The following BEND6 variants were observed in gnomAD, a reference collection of about 807,000 sequenced individuals.
BEND6 encodes BEN domain containing 6, also known as BEN domain-containing protein 6.
A neutral mutation model predicts 31.8 loss-of-function variants in BEND6; 24 were observed. The ratio of observed to expected loss-of-function variants is 0.75; its 90% CI spans 0.55 to 1.06. The LOEUF (loss-of-function observed/expected upper bound fraction) is 1.06. Ranked by LOEUF, BEND6 falls within the 50% of genes least tolerant of loss-of-function variation. The probability of loss-of-function intolerance (pLI) is 0.00; values close to 1 mark genes in which losing one functional copy is unlikely to be tolerated. For synonymous variants in BEND6, 109 were observed against 114.6 expected (o/e 0.95, Z 0.31); for missense variants, 294 against 327.4 (o/e 0.90, Z 0.79).
At chr6:56,966,259 G>T (rs753324637) in intron 1 of BEND6, among the ~76,000 whole-genome samples, 9 of 152,096 alleles carry the variant, frequency 5.9e-5, no homozygotes, top group South Asian at 2.1e-4. Context: ...TTGCCACCAC[G>T]CCTGGCTAGT....
intron 3 of BEND6, among the ~76,000 whole-genome samples, chr6:57,012,944 G>A (rs1827395646): frequency 6.6e-6 from 1 of 152,002 alleles, no homozygotes; most frequent in Admixed American, 6.6e-5. Context: ...CATTCTCTAC[G>A]GCAATTTAAT....
intron 2 of BEND6, among the ~76,000 whole-genome samples, chr6:56,990,841 CA>C (rs1178693339): frequency 2.0e-5 from 3 of 152,104 alleles, no homozygotes; most frequent in Non-Finnish European, 4.4e-5. Context: ...AGGAGTCAGA[CA>C]ATCTTGAGAT....
rs555221533 is a variant in BEND6 at position 57,010,001 on chromosome 6, T to A, written c.299-5132T>A. On this transcript the variant is annotated intron_variant, in intron 3 of 6. Transcript: ENST00000370746. ...TCCAGCTAATAAATGAAGAAAATAATTAGAATATCACTATTTTGCAAGCCA... is the reference window on the plus strand; with the variant it reads ...TCCAGCTAATAAATGAAGAAAATAAATAGAATATCACTATTTTGCAAGCCA... 21 of 152,250 alleles carry A rather than the reference T, an allele frequency of 1.4e-4. No homozygotes were observed. The South Asian group carries it at 4.4e-3, about 32-fold the overall frequency. The allele number at this position is 152,250 out of a possible 1,614,324, so 9.4% of individuals were successfully genotyped here. A position where few individuals can be genotyped will look rare whatever the true frequency, so the allele number is the denominator to read the frequency against.
intron 1 of BEND6, among the ~76,000 whole-genome samples, chr6:56,972,086 C>CTT (rs35524907): frequency 2.6e-4 from 16 of 62,526 alleles, no homozygotes; most frequent in Non-Finnish European, 4.0e-4. Flanking sequence ...ACTTTACTTT[C>CTT]TTTTTTTTTT....
At chr6:56,961,532 T>C (rs9382671) in intron 1 of BEND6, among the ~76,000 whole-genome samples, 3 of 152,004 alleles carry the variant, frequency 2.0e-5, no homozygotes, top group African/African-American at 7.2e-5. Context: ...AAAGAAGGGA[T>C]AAATTGATTC....
At chr6:56,989,952 C>T (rs1826430325) in intron 2 of BEND6, among the ~76,000 whole-genome samples, 2 of 152,096 alleles carry the variant, frequency 1.3e-5, no homozygotes, top group Admixed American at 1.3e-4. Context: ...TGATTTTATG[C>T]CTAAGAAATT....
chr6:57,007,810 G>C (rs1007607638), intron 3 of BEND6, among the ~76,000 whole-genome samples: 5 of 152,080 alleles, frequency 3.3e-5, no homozygotes, highest in Non-Finnish European at 5.9e-5. Flanking sequence ...TTTACAGTGT[G>C]CTGTGATCAT....
chr6:56,960,704 A>G (rs1292591595), intron 1 of BEND6, among the ~76,000 whole-genome samples: 1 of 152,244 alleles, frequency 6.6e-6, no homozygotes, highest in Admixed American at 6.5e-5. Context: ...CAGAAGTACT[A>G]AATGTACCAA....
intron 3 of BEND6, among the ~76,000 whole-genome samples, chr6:56,996,550 A>G (rs138996795): frequency 6.6e-6 from 1 of 152,232 alleles, no homozygotes; most frequent in East Asian, 1.9e-4. Context: ...CTCATTGTCT[A>G]ACTGCATGCT....
chr6:56,980,961 A>G (rs1160344258), intron 1 of BEND6, among the ~76,000 whole-genome samples: 2 of 152,074 alleles, frequency 1.3e-5, no homozygotes, highest in Non-Finnish European at 2.9e-5. Context: ...ATTTAACATC[A>G]CTCACCACAC....
intron 2 of BEND6, among the ~76,000 whole-genome samples, chr6:56,983,417 C>T (rs1021738663): frequency 7.2e-5 from 11 of 152,134 alleles, no homozygotes. Context: ...TTCTGTGTAT[C>T]TGCTACTTCA....
chr6:56,964,132 G>A (rs1056628275), intron 1 of BEND6, among the ~76,000 whole-genome samples: 4 of 151,368 alleles, frequency 2.6e-5, no homozygotes, highest in African/African-American at 9.7e-5. Context: ...TGGAGAGACA[G>A]AAGCACAGAA....
chr6:56,994,184 G>A (rs550862019), intron 3 of BEND6, among the ~76,000 whole-genome samples: 1 of 152,054 alleles, frequency 6.6e-6, no homozygotes, highest in South Asian at 2.1e-4. Flanking sequence ...TCTTGGCCGG[G>A]CGCAGTGGCT....
At chr6:57,013,794 C>T (rs1024227040) in intron 3 of BEND6, 4 of 152,278 alleles carry the variant, frequency 2.6e-5, no homozygotes, top group African/African-American at 9.6e-5. Context: ...TCCCCTTCAC[C>T]CCTCAGACTG....
At chr6:57,008,129 G>T (rs1032639959) in intron 3 of BEND6, 2 of 701,460 alleles carry the variant, frequency 2.9e-6, no homozygotes, top group African/African-American at 1.7e-5. Flanking sequence ...TACCTTCAAG[G>T]CCTGTCTACT....
intron 4 of BEND6, among the ~76,000 whole-genome samples, chr6:57,017,000 G>A (rs1207710756): frequency 6.6e-6 from 1 of 151,742 alleles, no homozygotes; most frequent in African/African-American, 2.4e-5. Context: ...ATATTGAAGA[G>A]TATCACAAAG....
At chr6:56,991,151 A>T (rs1280173534) in intron 2 of BEND6, among the ~76,000 whole-genome samples, 1 of 152,258 alleles carries the variant, frequency 6.6e-6, no homozygotes, top group Non-Finnish European at 1.5e-5. Flanking sequence ...AAGCCTTCTT[A>T]TCTCTGAACA....
rs112292989 is a variant in BEND6 at position 57,024,495 on chromosome 6, G to GT, written c.*10-1576dup. ...CTGGATACAGTATTTTTGGATGACA[G>GT]TTTTTTTTTTTCCTTTGAGCCCTTT... On this transcript the variant is annotated intron_variant, in intron 6 of 6. Transcript: ENST00000370746. 2.8e-3 allele frequency among the ~76,000 whole-genome samples: 413 copies of GT among 146,884 alleles called. 2 individuals are homozygous for GT. Among genetic ancestry groups the GT allele is most frequent in the Middle Eastern group, 3.6e-3 (1 of 280 alleles).
chr6:57,014,134 T>G, intron 3 of BEND6: 1 of 182,556 alleles, frequency 5.5e-6, no homozygotes, highest in Non-Finnish European at 1.1e-5. Flanking sequence ...AGATAAATGT[T>G]TAATATTATT....
Sources: gnomAD v4.1 joint callset for allele counts (sites outside exome capture counted in the v4.1 genomes callset) on GRCh38, gnomAD v4.1.1 for gene constraint, MANE v1.5 for transcripts, NCBI Gene and HGNC (gene_info 2026-07-23, HGNC 2026-07-21) for gene names.